The following FUT8 variants were observed in gnomAD, a reference collection of about 807,000 sequenced individuals.
FUT8 encodes fucosyltransferase 8, also known as alpha-(1,6)-fucosyltransferase.
FUT8 carries 29 observed loss-of-function variants against 71.3 expected under a neutral mutation model. The ratio of observed to expected loss-of-function variants is 0.41; its 90% CI spans 0.30 to 0.55. The LOEUF is 0.55. Among genes scored for constraint, FUT8 ranks in the 20% least tolerant of loss-of-function variants. FUT8 has a pLI of 0.34. For synonymous variants in FUT8, 254 were observed against 239.3 expected, an observed-to-expected ratio of 1.06 and a Z score of -0.57; for missense variants, 544 against 702.1, an observed-to-expected ratio of 0.77 and a Z score of 2.55.
chr14:65,549,361 A>G (rs557918026), intron 2 of FUT8, among the ~76,000 whole-genome samples: 1 of 151,004 alleles, frequency 6.6e-6, no homozygotes, highest in African/African-American at 2.4e-5. Context: ...TTGTCTTACT[A>G]GATTGTATTT....
chr14:65,491,977 C>T (rs1320228769), intron 2 of FUT8, among the ~76,000 whole-genome samples: 4 of 151,958 alleles, frequency 2.6e-5, no homozygotes, highest in Non-Finnish European at 5.9e-5. Context: ...CTGATTTTGT[C>T]ACTTACAGCC....
At chr14:65,641,890 ATTGAG>A (rs1890860423) in intron 6 of FUT8, among the ~76,000 whole-genome samples, 1 of 150,824 alleles carries the variant, frequency 6.6e-6, no homozygotes, top group Non-Finnish European at 1.5e-5. Context: ...CTTTCTTCTT[ATTGAG>A]TTAAGGTTCT....
At chr14:65,737,025 A>T (rs1896247429) in intron 10 of FUT8, among the ~76,000 whole-genome samples, 1 of 152,130 alleles carries the variant, frequency 6.6e-6, no homozygotes. Context: ...ATGCCATGCT[A>T]GAAGGAAAAA....
intron 3 of FUT8, among the ~76,000 whole-genome samples, chr14:65,581,626 G>A: frequency 6.6e-6 from 1 of 151,990 alleles, no homozygotes; most frequent in East Asian, 1.9e-4. Flanking sequence ...TTGTGTCAAA[G>A]GATATAAACT....
chr14:65,535,187 C>T (rs1388283008), intron 2 of FUT8, among the ~76,000 whole-genome samples: 1 of 151,856 alleles, frequency 6.6e-6, no homozygotes, highest in Admixed American at 6.6e-5. Context: ...GCAGCCTCTG[C>T]CTCCCAGGTT....
intron 2 of FUT8, among the ~76,000 whole-genome samples, chr14:65,469,761 T>A (rs2066108342): frequency 6.6e-6 from 1 of 151,944 alleles, no homozygotes; most frequent in African/African-American, 2.4e-5. Context: ...AGACGATAGC[T>A]CCTCTCTGCA....
chr14:65,657,072 C>T (rs1891718988), intron 6 of FUT8, among the ~76,000 whole-genome samples: 1 of 152,128 alleles, frequency 6.6e-6, no homozygotes, highest in East Asian at 1.9e-4. Flanking sequence ...GGAAACTCTC[C>T]AGGACACTGG....
the FUT8 span, among the ~76,000 whole-genome samples, chr14:65,359,079 A>G: frequency 6.6e-6 from 1 of 151,780 alleles, no homozygotes; most frequent in Admixed American, 6.6e-5. Flanking sequence ...TTTTTTTCCT[A>G]TTAAGAACCA....
rs1359193083 is a variant in FUT8, at chr14:65,607,590, A to G, written c.204-8388A>G. On this transcript the variant is annotated intron_variant, in intron 3 of 10. Transcript: ENST00000673929. The surrounding 1 kb of genome is among the most constrained non-coding windows in gnomAD (Gnocchi z 4.1). ...ATATTGCTGTATTTACTAATGGATC[A>G]TTTGGGAGTTTGAAAATAAGCTTAT... Among the ~76,000 whole-genome samples, 3 of 151,884 alleles carry G rather than the reference A, an allele frequency of 2.0e-5. No homozygotes were observed. Among genetic ancestry groups the G allele is most frequent in the African/African-American group, 7.2e-5 (3 of 41,408 alleles).
At chr14:65,418,573 A>T (rs1040864166) in intron 1 of FUT8, among the ~76,000 whole-genome samples, 11 of 152,200 alleles carry the variant, frequency 7.2e-5, no homozygotes, top group Non-Finnish European at 1.6e-4. Context: ...GGACAGATAT[A>T]ATTTATAGAT....
intron 3 of FUT8, among the ~76,000 whole-genome samples, chr14:65,604,893 C>T (rs924425003): frequency 6.6e-6 from 1 of 151,968 alleles, no homozygotes; most frequent in Non-Finnish European, 1.5e-5. Context: ...CTCCTGTCCA[C>T]ATTTTTATTC....
At chr14:65,689,862 A>C (rs1293752501) in intron 7 of FUT8, among the ~76,000 whole-genome samples, 1 of 152,234 alleles carries the variant, frequency 6.6e-6, no homozygotes, top group East Asian at 1.9e-4. Flanking sequence ...ACTTCACTGA[A>C]GTTTAACTTC....
chr14:65,521,211 A>G (rs1177012153), intron 2 of FUT8, among the ~76,000 whole-genome samples: 4 of 152,152 alleles, frequency 2.6e-5, no homozygotes, highest in Admixed American at 6.5e-5. Flanking sequence ...ATGTTTAAAT[A>G]ATTTAGAAGA....
At chr14:65,631,254 C>T (rs987799881) in intron 6 of FUT8, among the ~76,000 whole-genome samples, 2 of 152,170 alleles carry the variant, frequency 1.3e-5, no homozygotes, top group Admixed American at 1.3e-4. Flanking sequence ...TGAGCTTCCT[C>T]CATTTCCTCT....
intron 2 of FUT8, among the ~76,000 whole-genome samples, chr14:65,522,132 C>A (rs935457083): frequency 2.0e-5 from 3 of 152,112 alleles, no homozygotes; most frequent in Non-Finnish European, 4.4e-5. Context: ...CTATGGAAAA[C>A]CTCCTTGCTG....
intron 2 of FUT8, among the ~76,000 whole-genome samples, chr14:65,543,620 G>A (rs1054641002): frequency 1.3e-5 from 2 of 151,902 alleles, no homozygotes; most frequent in African/African-American, 4.8e-5. Context: ...TTGTTTTTAG[G>A]GTCCCAGTTT....
At chr14:65,512,430 G>T (rs975338978) in intron 2 of FUT8, among the ~76,000 whole-genome samples, 1 of 152,098 alleles carries the variant, frequency 6.6e-6, no homozygotes, top group African/African-American at 2.4e-5. Context: ...CTCCCAAAGT[G>T]CTGGAATTAT....
intron 7 of FUT8, among the ~76,000 whole-genome samples, chr14:65,693,548 G>A (rs1435937889): frequency 1.3e-5 from 2 of 152,156 alleles, no homozygotes; most frequent in Non-Finnish European, 2.9e-5. Context: ...GAGAGAGGGA[G>A]GGGGAGAGGG....
chr14:65,738,965 C>T (rs971531523), intron 10 of FUT8, among the ~76,000 whole-genome samples: 2 of 151,994 alleles, frequency 1.3e-5, no homozygotes, highest in Non-Finnish European at 2.9e-5. Flanking sequence ...AGGTGTTTAT[C>T]CTAAGGGAAT....
Sources: allele counts gnomAD v4.1 joint callset (sites outside exome capture counted in the v4.1 genomes callset), GRCh38; gene constraint gnomAD v4.1.1; non-coding constraint Gnocchi (gnomAD v3.1); transcripts MANE v1.5; gene names NCBI Gene and HGNC (gene_info 2026-07-23, HGNC 2026-07-21).